MACROH2A1: variants seen among roughly 807,000 people sequenced by gnomAD.
The protein encoded by MACROH2A1 is core histone macro-H2A.1.
A neutral mutation model predicts 31.6 loss-of-function variants in MACROH2A1; 2 were observed. The ratio of observed to expected loss-of-function variants is 0.06; its 90% CI spans 0.03 to 0.20. The LOEUF (loss-of-function observed/expected upper bound fraction) is 0.20. MACROH2A1 is among the 10% of genes least tolerant of loss of function. The probability of loss-of-function intolerance (pLI) is 1.00; values close to 1 mark genes in which losing one functional copy is unlikely to be tolerated. For synonymous variants in MACROH2A1, 169 were observed against 189.6 expected, an observed-to-expected ratio of 0.89 and a Z score of 0.89; for missense variants, 230 against 474.0, an observed-to-expected ratio of 0.49 and a Z score of 4.78.
At position 135,369,336 on chromosome 5, in the gene MACROH2A1, G is replaced by T. The variant is rs773357288; in HGVS notation, c.477+70C>A. On this transcript the variant is annotated intron_variant, in intron 4 of 8. Coordinates refer to ENST00000511689, the MANE Select transcript of MACROH2A1 (RefSeq NM_138610.3). This position sits in a 1 kb window ranked among gnomAD's most constrained non-coding sequence, Gnocchi z 4.3. Reference sequence around the variant, plus strand: ...TGAGCCCACAGGGGGAATGAGGGGGGTGCCCTGGTAACCCTGTTTATCCGT... The same window carrying T: ...TGAGCCCACAGGGGGAATGAGGGGGTTGCCCTGGTAACCCTGTTTATCCGT... The T allele has an allele frequency of 1.5e-4, 189 of 1,249,258 alleles. No homozygotes were observed. The highest frequency in any genetic ancestry group is 9.1e-4 in the Admixed American group (53 of 58,368). 77.4% of individuals were successfully genotyped at this position (1,249,258 alleles called of 1,614,324 possible). A position where few individuals can be genotyped will look rare whatever the true frequency, so the allele number is the denominator to read the frequency against.
chr5:135,343,191 A>G, intron 8 of MACROH2A1, 69 bp downstream of exon 8: 3 of 1,605,846 alleles, frequency 1.9e-6, no homozygotes, highest in South Asian at 1.1e-5. Context: ...TGAGAGCACC[A>G]CAATTATGGG....
chr5:135,356,688 C>A, intron 5 of MACROH2A1: 1 of 152,300 alleles, frequency 6.6e-6, no homozygotes, highest in South Asian at 2.1e-4. Context: ...CCATTTAGGG[C>A]AGGGCAGGAG....
At chr5:135,389,651 A>G (rs1581362520) in intron 1 of MACROH2A1, among the ~76,000 whole-genome samples, 1 of 152,176 alleles carries the variant, frequency 6.6e-6, no homozygotes, top group Admixed American at 6.5e-5. Context: ...AGGCCCTCTG[A>G]GCACTTCTAG....
intron 2 of MACROH2A1, among the ~76,000 whole-genome samples, chr5:135,382,553 C>T (rs2149918014): frequency 6.6e-6 from 1 of 152,116 alleles, no homozygotes; most frequent in East Asian, 1.9e-4. Context: ...TCCTAGATAA[C>T]ATAGGAGAAA....
intron 6 of MACROH2A1, among the ~76,000 whole-genome samples, chr5:135,350,322 C>T (rs181291299): frequency 2.0e-5 from 3 of 152,102 alleles, no homozygotes; most frequent in Non-Finnish European, 2.9e-5. Flanking sequence ...TGGAAAGGGT[C>T]CTCCTTGTGC....
At chr5:135,378,202 G>A (rs1408337695) in intron 2 of MACROH2A1, among the ~76,000 whole-genome samples, 1 of 152,202 alleles carries the variant, frequency 6.6e-6, no homozygotes, top group African/African-American at 2.4e-5. Flanking sequence ...CCTCTCCGAC[G>A]CCTGCTGTGG....
At chr5:135,350,070 A>G (rs1241479999) in intron 6 of MACROH2A1, among the ~76,000 whole-genome samples, 2 of 152,130 alleles carry the variant, frequency 1.3e-5, no homozygotes, top group African/African-American at 4.8e-5. Flanking sequence ...ACACTATTTG[A>G]TACTCCTGCC....
At chr5:135,338,126 A>G (rs1759116686) in intron 8 of MACROH2A1, 1 of 419,918 alleles carries the variant, frequency 2.4e-6, no homozygotes, top group East Asian at 1.4e-4. Context: ...CACTCCACAC[A>G]CAGCCCTGCA....
At chr5:135,357,828 G>T (rs1047126279) in intron 5 of MACROH2A1, 3 of 984,438 alleles carry the variant, frequency 3.0e-6, no homozygotes, top group Non-Finnish European at 3.6e-6. Context: ...ACTTCAGTAT[G>T]TGAAATACAT....
intron 5 of MACROH2A1, chr5:135,356,238 T>TC (rs1327299718): frequency 6.6e-6 from 1 of 152,194 alleles, no homozygotes; most frequent in African/African-American, 2.4e-5. Flanking sequence ...GAAAGGGTCG[T>TC]AGCCAAGGGA....
upstream of MACROH2A1, chr5:135,399,663 C>T (rs543391965): frequency 8.9e-4 from 135 of 152,434 alleles, 1 homozygote; most frequent in South Asian, 2.9e-3. The surrounding 1 kb of genome is among the most constrained non-coding windows in gnomAD (Gnocchi z 4.5). Context: ...TGCCAACTCC[C>T]CCCTGCCCCG....
Position 135,360,480 on chromosome 5 carries a change from G to A in MACROH2A1, c.588+17C>T. ...CCTTGGGGCCCTCGAGTAGACTGAG[G>A]CCGCGCATCTGCCTACCTTCTGGCC... On this transcript the variant is annotated intron_variant, in intron 5 of 8. Transcript: ENST00000511689. 1 of 1,513,684 alleles carries A rather than the reference G, an allele frequency of 6.6e-7. No homozygotes were observed. The highest frequency in any genetic ancestry group is 9.2e-7 in the Non-Finnish European group (1 of 1,088,646). The allele number at this position is 1,513,684 out of a possible 1,614,324, so 93.8% of individuals were successfully genotyped here. A position where few individuals can be genotyped will look rare whatever the true frequency, so the allele number is the denominator to read the frequency against.
chr5:135,339,905 C>G (rs1210503632), intron 8 of MACROH2A1, among the ~76,000 whole-genome samples: 1 of 152,214 alleles, frequency 6.6e-6, no homozygotes, highest in Non-Finnish European at 1.5e-5. Context: ...GGCCCCCGGG[C>G]TTTGGGTAAA....
chr5:135,384,975 A>C (rs1295533899), intron 2 of MACROH2A1, among the ~76,000 whole-genome samples: 2 of 152,212 alleles, frequency 1.3e-5, no homozygotes, highest in Non-Finnish European at 2.9e-5. Context: ...AGGAGATGCC[A>C]GTTCCCTGCT....
In MACROH2A1 at chr5:135,369,311, T is replaced by G; in HGVS notation, c.477+95A>C. The stretch of plus-strand genomic sequence containing the variant: ...CTCCTTTATTCTCCCATCAGTGGGA[T>G]GAGCCCACAGGGGGAATGAGGGGGG... On this transcript the variant is annotated intron_variant, in intron 4 of 8. Transcript: ENST00000511689. This position sits in a 1 kb window ranked among gnomAD's most constrained non-coding sequence, Gnocchi z 4.3. 2.1e-6 allele frequency: 2 copies of G among 973,370 alleles called. No homozygotes were observed. Among genetic ancestry groups the G allele is most frequent in the Non-Finnish European group, 3.3e-6 (2 of 610,482 alleles). The allele number at this position is 973,370 out of a possible 1,614,324, so 60.3% of individuals were successfully genotyped here.
At chr5:135,383,700 G>GTGGTGTGT (rs1554099982) in intron 2 of MACROH2A1, among the ~76,000 whole-genome samples, 1 of 137,150 alleles carries the variant, frequency 7.3e-6, no homozygotes, top group South Asian at 2.4e-4. Context: ...GATGTGGTGT[G>GTGGTGTGT]GTGTGTGTGT....
At chr5:135,338,103 TGCCCTGCAAGAGCACTCCACACACA>T (rs1367610238) in intron 8 of MACROH2A1, 7 of 699,034 alleles carry the variant, frequency 1.0e-5, no homozygotes, top group African/African-American at 9.6e-5. Context: ...TGTAGGTGGA[TGCCCTGCAAGAGCACTCCACACACA>T]GCCCTGCAGC....
At position 135,370,090 on chromosome 5, in the gene MACROH2A1, C is replaced by T; in HGVS notation, c.225G>A (p.Arg75=). Residue 75 remains arginine (R), a synonymous_variant, in exon 3 of 9, where the codon CGG becomes CGA. Coordinates refer to ENST00000511689, the MANE Select transcript of MACROH2A1 (RefSeq NM_138610.3). ...CCAGCAGGATGTGCCGGGGTGTGAC[C>T]CGTCCCTTCTTGTTGTCTCTCGCTG... The part of the protein sequence containing the change: ...GNAARDNKKG[R]VTPRHILLAV... The T allele has an allele frequency of 6.2e-7, 1 of 1,613,964 alleles. No homozygotes were observed. The highest frequency in any genetic ancestry group is 8.5e-7 in the Non-Finnish European group (1 of 1,179,902).
At chr5:135,358,509 G>A (rs561753567) in intron 5 of MACROH2A1, 35 of 985,262 alleles carry the variant, frequency 3.6e-5, no homozygotes, top group Non-Finnish European at 4.1e-5. Context: ...AAAAGGGGGT[G>A]ATATGGGAAA....
Sources: gnomAD v4.1 joint callset for allele counts (sites outside exome capture counted in the v4.1 genomes callset) on GRCh38, gnomAD v4.1.1 for gene constraint, Gnocchi (gnomAD v3.1) non-coding constraint, MANE v1.5 for transcripts, NCBI Gene and HGNC (gene_info 2026-07-23, HGNC 2026-07-21) for gene names.